Variants in MXD1 observed in about 807,000 individuals in gnomAD.
MXD1 encodes MAX-binding protein.
MXD1 carries 9 observed loss-of-function variants against 25.7 expected under a neutral mutation model. The ratio of observed to expected loss-of-function variants is 0.35; its 90% CI spans 0.21 to 0.61. The LOEUF (loss-of-function observed/expected upper bound fraction) is 0.61, where lower values mean the gene tolerates loss of function less well. Among genes scored for constraint, MXD1 ranks in the 20% least tolerant of loss-of-function variants. The pLI, the probability that MXD1 is intolerant of heterozygous loss-of-function variation, is 0.75. For missense variants in MXD1, 227 were observed against 292.4 expected (o/e 0.78, Z 1.63); for synonymous variants, 99 against 113.9 (o/e 0.87, Z 0.83).
chr2:69,918,191 A>G (rs116605716), intron 2 of MXD1, among the ~76,000 whole-genome samples: 1 of 152,364 alleles, frequency 6.6e-6, no homozygotes, highest in Non-Finnish European at 1.5e-5. Context: ...GGTAAAGGAT[A>G]GGGAGAGATT....
At position 69,935,401 on chromosome 2, in the gene MXD1, T is replaced by C. The variant is rs770818994; in HGVS notation, c.254T>C (p.Leu85Pro). The C allele has an allele frequency of 1.2e-6, 2 of 1,614,134 alleles. No homozygotes were observed. Among genetic ancestry groups the C allele is most frequent in the South Asian group, 2.2e-5 (2 of 91,080 alleles). ...GAGAAGTTGAAGGGGCTGGTGCCAC[T>C]TGGACCCGAATCAAGTCGACACACT... ...CLEKLKGLVP[L>P]GPESSRHTTL... The change falls in exon 4 of 6, where the codon CTT becomes CCT. Residue 85 changes from leucine (L) to proline (P), a missense_variant. By Grantham distance (98) the Leu-to-Pro change is moderately conservative (BLOSUM62 -3). Transcript: ENST00000264444.
intron 3 of MXD1, among the ~76,000 whole-genome samples, chr2:69,929,657 G>C (rs1677241098): frequency 6.6e-6 from 1 of 152,144 alleles, no homozygotes; most frequent in Non-Finnish European, 1.5e-5. Context: ...AAAACTAACA[G>C]CAGAAATACG....
rs778292929 is a variant in MXD1, at chr2:69,916,102, G to A, written c.74-19G>A. The A allele has an allele frequency of 1.4e-5, 20 of 1,470,840 alleles. No homozygotes were observed. In the African/African-American group the frequency reaches 2.6e-4, roughly 19 times the overall value. The allele number at this position is 1,470,840 out of a possible 1,614,324, so 91.1% of individuals were successfully genotyped here. On this transcript the variant is annotated intron_variant, in intron 1 of 5. Transcript: ENST00000264444. ...AATATTCTGGGCCCATTCATTAACT[G>A]GATCCTCCTGTTTTCTAGAAGCTGA...
chr2:69,915,447 G>A lies in MXD1; in HGVS notation c.73+44G>A. The A allele has an allele frequency of 8.0e-7, 1 of 1,251,032 alleles. No homozygotes were observed. Among genetic ancestry groups the A allele is most frequent in the Non-Finnish European group, 1.0e-6 (1 of 985,432 alleles). 77.5% of individuals were successfully genotyped at this position (1,251,032 alleles called of 1,614,324 possible). ...GGGTCCACTCGAAACGAGGCCGGGG[G>A]TCCTGTGGGGCCGGCCTCAGGTCCG... On this transcript the variant is annotated intron_variant, in intron 1 of 5. Transcript: ENST00000264444. The surrounding 1 kb of genome is among the most constrained non-coding windows in gnomAD (Gnocchi z 5.8).
At position 69,915,247 on chromosome 2, in the gene MXD1, TAGCGGGCTCCAC is replaced by T; in HGVS notation, c.-78_-67del. ...ACAGCGGGCTCCACAGCGGGCTCCA[TAGCGGGCTCCAC>T]AGCGGTCCGGCGGCGGCAGCGAGCC... On this transcript the variant is annotated 5_prime_UTR_variant, in exon 1 of 6. Transcript: ENST00000264444. This position sits in a 1 kb window ranked among gnomAD's most constrained non-coding sequence, Gnocchi z 5.8. 4 of 1,209,960 alleles carry T rather than the reference TAGCGGGCTCCAC, an allele frequency of 3.3e-6. No individual in the cohort carries two copies. The highest frequency in any genetic ancestry group is 5.9e-5 in the South Asian group (2 of 34,052). 75.0% of individuals were successfully genotyped at this position (1,209,960 alleles called of 1,614,324 possible).
In MXD1 at chr2:69,939,738, G is replaced by C. The variant is rs1446955669; in HGVS notation, c.*1454G>C. 6.6e-6 allele frequency: 1 copy of C among 152,458 alleles called. No individual in the cohort carries two copies. The highest frequency in any genetic ancestry group is 2.4e-5 in the African/African-American group (1 of 41,446). The allele number at this position is 152,458 out of a possible 1,614,324, so 9.4% of individuals were successfully genotyped here. A position where few individuals can be genotyped will look rare whatever the true frequency, so the allele number is the denominator to read the frequency against. The stretch of plus-strand genomic sequence containing the variant: ...TTGTAAAATCTGTGATGCTGAAGCA[G>C]AGTGTGTCACAAAGTGATGAGAACA... On this transcript the variant is annotated 3_prime_UTR_variant, in exon 6 of 6. Transcript: ENST00000264444.
intron 5 of MXD1, 133 bp from the exon 6 acceptor site, chr2:69,937,964 C>A: frequency 1.2e-6 from 1 of 800,492 alleles, no homozygotes; most frequent in Non-Finnish European, 2.0e-6. Flanking sequence ...CCCAGCTGGT[C>A]TCAAACTCCT....
Position 69,938,994 on chromosome 2 carries a change from G to A in MXD1, c.*710G>A, listed in dbSNP as rs1324480258. On this transcript the variant is annotated 3_prime_UTR_variant, in exon 6 of 6. Transcript: ENST00000264444. The stretch of plus-strand genomic sequence containing the variant: ...ACGGTACAATCTATTTTTGTGCGAT[G>A]TTCTTGGGACCTCGCTGTGTTCTGC... 6.6e-6 allele frequency: 1 copy of A among 152,580 alleles called. No individual in the cohort carries two copies. Among genetic ancestry groups the A allele is most frequent in the Non-Finnish European group, 1.5e-5 (1 of 68,030 alleles). 9.5% of individuals were successfully genotyped at this position (152,580 alleles called of 1,614,324 possible). A position where few individuals can be genotyped will look rare whatever the true frequency, so the allele number is the denominator to read the frequency against.
Position 69,938,311 on chromosome 2 carries a change from T to C in MXD1, c.*27T>C. ...AGAGTGGGCACTGCGGCTGTCTCCT[T>C]GAAGGTTCTCCCTGTTGGTTCTGAT... On this transcript the variant is annotated 3_prime_UTR_variant, in exon 6 of 6. Coordinates refer to ENST00000264444, the MANE Select transcript of MXD1 (RefSeq NM_002357.4). 2.5e-6 allele frequency: 4 copies of C among 1,610,108 alleles called. No homozygotes were observed. Among genetic ancestry groups the C allele is most frequent in the Non-Finnish European group, 2.5e-6 (3 of 1,177,298 alleles).
chr2:69,935,279 A>G, intron 3 of MXD1, 72 bp from the exon 4 acceptor site: 1 of 1,066,338 alleles, frequency 9.4e-7, no homozygotes, highest in South Asian at 1.3e-5. Context: ...ACTCTTTGAG[A>G]ACTCATTCTG....
intron 3 of MXD1, among the ~76,000 whole-genome samples, chr2:69,923,845 C>T (rs1192557464): frequency 6.6e-6 from 1 of 152,178 alleles, no homozygotes; most frequent in African/African-American, 2.4e-5. Flanking sequence ...CCTGCCTTTG[C>T]AGTGATGTGG....
chr2:69,942,639 A>C lies in MXD1; in HGVS notation c.*4355A>C, dbSNP rs1367372706. On this transcript the variant is annotated 3_prime_UTR_variant, in exon 6 of 6. Coordinates refer to ENST00000264444, the MANE Select transcript of MXD1 (RefSeq NM_002357.4). The stretch of plus-strand genomic sequence containing the variant: ...CCAAACTTGCCTTTACCCCATCCCT[A>C]GAATTGGTGCTCTTGGAATATTGCT... 6.6e-6 allele frequency: 1 copy of C among 152,210 alleles called. No individual in the cohort carries two copies. Among genetic ancestry groups the C allele is most frequent in the Non-Finnish European group, 1.5e-5 (1 of 68,044 alleles). 9.4% of individuals were successfully genotyped at this position (152,210 alleles called of 1,614,324 possible). A position where few individuals can be genotyped will look rare whatever the true frequency, so the allele number is the denominator to read the frequency against.
chr2:69,920,074 G>C (rs371482872), intron 2 of MXD1, among the ~76,000 whole-genome samples: 2 of 152,070 alleles, frequency 1.3e-5, no homozygotes, highest in South Asian at 4.1e-4. Context: ...GCAGTGGCAC[G>C]ATCTCAGCTC....
chr2:69,918,546 T>C (rs986947809), intron 2 of MXD1, among the ~76,000 whole-genome samples: 10 of 152,194 alleles, frequency 6.6e-5, no homozygotes, highest in Non-Finnish European at 1.3e-4. Context: ...TTCTTAAAAG[T>C]GTGTTTTGTT....
intron 2 of MXD1, among the ~76,000 whole-genome samples, chr2:69,916,872 T>C (rs1401251644): frequency 1.3e-5 from 2 of 152,238 alleles, no homozygotes; most frequent in African/African-American, 4.8e-5. Flanking sequence ...TTAAAAGCTG[T>C]GAATCTCACT....
intron 2 of MXD1, 109 bp from the exon 3 acceptor site, chr2:69,921,627 T>A: frequency 1.0e-6 from 1 of 965,616 alleles, no homozygotes; most frequent in Non-Finnish European, 1.5e-6. Context: ...CCTTTCTACA[T>A]CTCTCCTATC....
chr2:69,916,429 A>C, intron 2 of MXD1: 1 of 393,016 alleles, frequency 2.5e-6, no homozygotes, highest in South Asian at 4.5e-5. Context: ...AATGTTTTAC[A>C]TTTCTTTATG....
At chr2:69,935,317 ACT>A in intron 3 of MXD1, 32 bp from the exon 4 acceptor site, 2 of 1,519,626 alleles carry the variant, frequency 1.3e-6, no homozygotes, top group Non-Finnish European at 1.8e-6. Context: ...CCACTGTGAA[ACT>A]CTCAAATGCT....
intron 3 of MXD1, 83 bp from the exon 4 acceptor site, chr2:69,935,268 C>T: frequency 1.0e-6 from 1 of 969,540 alleles, no homozygotes; most frequent in South Asian, 1.3e-5. Flanking sequence ...GGCAACTTCA[C>T]ACTCTTTGAG....
Sources: gnomAD v4.1 joint callset for allele counts (sites outside exome capture counted in the v4.1 genomes callset) on GRCh38, gnomAD v4.1.1 for gene constraint, Gnocchi (gnomAD v3.1) non-coding constraint, MANE v1.5 for transcripts, NCBI Gene and HGNC (gene_info 2026-07-23, HGNC 2026-07-21) for gene names.